TICRR: variants seen among roughly 807,000 people sequenced by gnomAD.
TICRR encodes the protein TOPBP1 interacting checkpoint and replication regulator, also known as treslin.
A neutral mutation model predicts 178.1 loss-of-function variants in TICRR; 132 were observed. The observed-to-expected ratio is 0.74, with a 90% CI of 0.64 to 0.86. The LOEUF (loss-of-function observed/expected upper bound fraction) is 0.86, where lower values mean the gene tolerates loss of function less well. Ranked by LOEUF, TICRR falls within the 40% of genes least tolerant of loss-of-function variation. The pLI is 0.00. For synonymous variants in TICRR, 991 were observed against 900.7 expected, an observed-to-expected ratio of 1.10 and a Z score of -1.79; for missense variants, 2,587 against 2,334.3, an observed-to-expected ratio of 1.11 and a Z score of -2.23.
chr15:89,601,234 C>G lies in TICRR; in HGVS notation c.2154-64C>G, dbSNP rs1220321547. On this transcript the variant is annotated intron_variant, in intron 9 of 21. Transcript: ENST00000268138. The stretch of plus-strand genomic sequence containing the variant: ...TCTTATATAAATAGATCTATGCTTA[C>G]GGAAGGAGCTTTTTGTTTAGTGACA... 5.6e-6 allele frequency: 8 copies of G among 1,427,926 alleles called. No individual in the cohort carries two copies. The Admixed American group carries it at 1.4e-4, about 25-fold the overall frequency. The allele number at this position is 1,427,926 out of a possible 1,614,324, so 88.5% of individuals were successfully genotyped here. A position where few individuals can be genotyped will look rare whatever the true frequency, so the allele number is the denominator to read the frequency against.
At position 89,624,394 on chromosome 15, in the gene TICRR, C is replaced by T. The variant is rs769042201; in HGVS notation, c.4084C>T (p.Pro1362Ser). ...CTCCTGCCCTGTTCCCTCAACTCCC[C>T]CTGAACTCTCACAGAGAGCTACATT... ...SLSCPVPSTP[P>S]ELSQRATLDT... Residue 1362 changes from proline to serine, a missense_variant, in exon 20 of 22, where the codon CCT becomes TCT. Pro to Ser is a moderately conservative substitution (Grantham distance 74). Coordinates refer to ENST00000268138, the MANE Select transcript of TICRR (RefSeq NM_152259.4). 3.1e-6 allele frequency: 5 copies of T among 1,614,084 alleles called. No homozygotes were observed. In the Admixed American group the frequency reaches 5.0e-5, roughly 16 times the overall value.
At chr15:89,588,471 G>T (rs1447827474) in intron 4 of TICRR, among the ~76,000 whole-genome samples, 4 of 152,256 alleles carry the variant, frequency 2.6e-5, no homozygotes, top group African/African-American at 9.6e-5. Context: ...ATTTGTCCAT[G>T]GAACGAGGCA....
At chr15:89,587,036 G>A (rs1474008668) in intron 4 of TICRR, among the ~76,000 whole-genome samples, 5 of 152,210 alleles carry the variant, frequency 3.3e-5, no homozygotes, top group Non-Finnish European at 7.3e-5. Flanking sequence ...AATAATCCAG[G>A]CAAGAGATGG....
chr15:89,591,332 C>T (rs920319009), intron 4 of TICRR, among the ~76,000 whole-genome samples: 7 of 152,032 alleles, frequency 4.6e-5, no homozygotes, highest in Non-Finnish European at 1.0e-4. Flanking sequence ...CCATGTTGGC[C>T]AGGCTGGTCT....
At chr15:89,618,573 A>T (rs142651002) in intron 17 of TICRR, among the ~76,000 whole-genome samples, 2,391 of 152,304 alleles carry the variant, frequency 0.016, 62 homozygotes, top group African/African-American at 0.054. Flanking sequence ...TTTCTGAGAC[A>T]TTATCTTTGC....
chr15:89,595,634 T>A (rs1251595031), intron 7 of TICRR, 23 bp downstream of exon 7: 1 of 1,556,086 alleles, frequency 6.4e-7, no homozygotes, highest in Admixed American at 1.8e-5. Context: ...GTCTATAATT[T>A]ACTCTTTTAT....
intron 15 of TICRR, among the ~76,000 whole-genome samples, chr15:89,611,551 T>C (rs1348662324): frequency 6.6e-6 from 1 of 152,208 alleles, no homozygotes; most frequent in East Asian, 1.9e-4. Flanking sequence ...TTAACCATTA[T>C]TTCTTCAAAA....
chr15:89,607,809 A>C (rs575091057), intron 14 of TICRR, among the ~76,000 whole-genome samples: 4 of 152,114 alleles, frequency 2.6e-5, no homozygotes, highest in African/African-American at 9.7e-5. Flanking sequence ...CCACCAGACT[A>C]TCTTAAGATT....
chr15:89,606,385 C>T (rs1223772251), intron 13 of TICRR, among the ~76,000 whole-genome samples: 2 of 152,170 alleles, frequency 1.3e-5, no homozygotes, highest in Admixed American at 6.5e-5. Flanking sequence ...GTCCAAAATG[C>T]TCCACTGAGT....
chr15:89,624,971 C>T lies in TICRR; in HGVS notation c.4661C>T (p.Ala1554Val), dbSNP rs372930159. ...TCAGCTTGGCATTCCACAGACTCTGCCAGCCCACAGACCTATGAGGTTGAG... is the reference window on the plus strand; with the variant it reads ...TCAGCTTGGCATTCCACAGACTCTGTCAGCCCACAGACCTATGAGGTTGAG... The part of the protein sequence containing the change: ...PASAWHSTDS[A>V]SPQTYEVELE... Residue 1554 changes from alanine (A) to valine (V), a missense_variant, in exon 20 of 22, where the codon GCC becomes GTC. Transcript: ENST00000268138. 4 of 1,614,090 alleles carry T rather than the reference C, an allele frequency of 2.5e-6. No homozygotes were observed. Among genetic ancestry groups the T allele is most frequent in the Non-Finnish European group, 3.4e-6 (4 of 1,180,030 alleles).
chr15:89,619,659 T>C (rs1596057387), intron 17 of TICRR, 49 bp from the exon 18 acceptor site: 1 of 1,559,990 alleles, frequency 6.4e-7, no homozygotes, highest in East Asian at 2.3e-5. Context: ...TGAGAAAATG[T>C]CAAGCTTGTA....
intron 1 of TICRR, chr15:89,579,654 C>G (rs956002943): frequency 6.6e-6 from 1 of 151,874 alleles, no homozygotes; most frequent in Non-Finnish European, 1.5e-5. Context: ...ACATGTTTTG[C>G]TATGGTTTGA....
chr15:89,612,684 T>A (rs1441132905), intron 15 of TICRR, among the ~76,000 whole-genome samples: 1 of 152,190 alleles, frequency 6.6e-6, no homozygotes, highest in African/African-American at 2.4e-5. Flanking sequence ...TTTTCTAGTT[T>A]ACTAGTTATT....
intron 19 of TICRR, among the ~76,000 whole-genome samples, chr15:89,622,935 C>T (rs1221328078): frequency 6.6e-6 from 1 of 152,222 alleles, no homozygotes; most frequent in East Asian, 1.9e-4. Flanking sequence ...TGTCACTGCA[C>T]CAATCACATT....
intron 14 of TICRR, among the ~76,000 whole-genome samples, chr15:89,607,639 T>C (rs1963193944): frequency 6.6e-6 from 1 of 152,136 alleles, no homozygotes; most frequent in African/African-American, 2.4e-5. Flanking sequence ...AAAACTTTGG[T>C]GTGTGTTATT....
chr15:89,595,359 A>G lies in TICRR; in HGVS notation c.1682-34A>G, dbSNP rs770833724. Reference sequence around the variant, plus strand: ...CTTCTTTCCACAGAAGTGGAAGGCAATTTACTTTCCCTCCTCTGATGTTGT... The same window carrying G: ...CTTCTTTCCACAGAAGTGGAAGGCAGTTTACTTTCCCTCCTCTGATGTTGT... On this transcript the variant is annotated intron_variant, in intron 6 of 21. Transcript: ENST00000268138. The G allele has an allele frequency of 1.8e-5, 28 of 1,539,806 alleles. No individual in the cohort carries two copies. In the Admixed American group the frequency reaches 4.7e-4, roughly 26 times the overall value.
At chr15:89,591,127 T>G (rs766609723) in intron 4 of TICRR, among the ~76,000 whole-genome samples, 11 of 151,950 alleles carry the variant, frequency 7.2e-5, no homozygotes, top group Middle Eastern at 3.4e-3. Flanking sequence ...AAGCCAATTT[T>G]TGTGTGTGTG....
At chr15:89,602,289 A>G (rs1305812055) in intron 12 of TICRR, among the ~76,000 whole-genome samples, 1 of 152,124 alleles carries the variant, frequency 6.6e-6, no homozygotes, top group Non-Finnish European at 1.5e-5. Flanking sequence ...ATATTTTTTC[A>G]TTTATGTATA....
rs1963461067 is a variant in TICRR at position 89,623,685 on chromosome 15, T to C, written c.3375T>C (p.Ser1125=). ...CTAAAACTACACCAAGAAGGATCTC[T>C]CATACACCACAAACTCCGTTGTATA... ...SFSKTTPRRI[S]HTPQTPLYTP... Residue 1125 remains serine (S), a synonymous_variant, in exon 20 of 22, where the codon TCT becomes TCC. Transcript: ENST00000268138. 4 of 1,613,976 alleles carry C rather than the reference T, an allele frequency of 2.5e-6. No homozygotes were observed. The highest frequency in any genetic ancestry group is 2.2e-5 in the East Asian group (1 of 44,872).
Sources: gnomAD v4.1 joint callset for allele counts (sites outside exome capture counted in the v4.1 genomes callset) on GRCh38, gnomAD v4.1.1 for gene constraint, MANE v1.5 for transcripts, NCBI Gene and HGNC (gene_info 2026-07-23, HGNC 2026-07-21) for gene names.